KNL1: variants seen among roughly 807,000 people sequenced by gnomAD.
KNL1 encodes outer kinetochore KNL1 complex subunit KNL1.
KNL1 carries 66 observed loss-of-function variants against 201.3 expected under a neutral mutation model. The ratio of observed to expected loss-of-function variants is 0.33; its 90% CI spans 0.27 to 0.40. The LOEUF (loss-of-function observed/expected upper bound fraction) is 0.40, where lower values mean the gene tolerates loss of function less well. Among genes scored for constraint, KNL1 ranks in the 10% least tolerant of loss-of-function variants. KNL1 has a pLI of 1.00. For synonymous variants in KNL1, 895 were observed against 899.2 expected (o/e 1.00, Z 0.08); for missense variants, 2,815 against 2,690.5 (o/e 1.05, Z -1.02).
intron 1 of KNL1, among the ~76,000 whole-genome samples, chr15:40,602,335 A>C (rs1387128675): frequency 7.5e-6 from 1 of 132,728 alleles, no homozygotes; most frequent in East Asian, 2.2e-4. Context: ...ACGGGGTTTC[A>C]CCGTGTTAGC....
At position 40,635,687 on chromosome 15, in the gene KNL1, T is replaced by C. The variant is rs1461105963; in HGVS notation, c.5683-5225T>C. Among the ~76,000 whole-genome samples, 4 of 152,150 alleles carry C rather than the reference T, an allele frequency of 2.6e-5. No homozygotes were observed. In the South Asian group the frequency reaches 6.2e-4, roughly 24 times the overall value. On this transcript the variant is annotated intron_variant, in intron 13 of 25. Coordinates refer to ENST00000399668, the MANE Select transcript of KNL1 (RefSeq NM_144508.5). ...TATTCTTGAGGCAGGGGGAGAGATG[T>C]GTGCCAGCCCTCATAGACATGTACA...
At chr15:40,644,197 CA>C (rs1893319338) in intron 14 of KNL1, among the ~76,000 whole-genome samples, 1 of 152,072 alleles carries the variant, frequency 6.6e-6, no homozygotes, top group Admixed American at 6.6e-5. Flanking sequence ...ATAATAAGGA[CA>C]AAAACATGTA....
At chr15:40,618,351 A>G (rs190369760) in intron 8 of KNL1, among the ~76,000 whole-genome samples, 18 of 152,212 alleles carry the variant, frequency 1.2e-4, no homozygotes, top group Admixed American at 2.6e-4. Flanking sequence ...ATTATATTTT[A>G]TAATGGGATT....
At chr15:40,606,352 T>C in intron 3 of KNL1, 41 bp from the exon 4 acceptor site, 1 of 1,192,266 alleles carries the variant, frequency 8.4e-7, no homozygotes. Flanking sequence ...TCTTAATAGA[T>C]ATGCCAGATT....
chr15:40,636,655 C>G (rs1447253004), intron 13 of KNL1, among the ~76,000 whole-genome samples: 1 of 151,878 alleles, frequency 6.6e-6, no homozygotes, highest in Non-Finnish European at 1.5e-5. Flanking sequence ...ATGGTGAAAC[C>G]CCCCCTCTAC....
chr15:40,657,303 G>A lies in KNL1; in HGVS notation c.6595-52G>A, dbSNP rs368163538. ...GAGTTCTTTGTAAGTGAGCCACTAA[G>A]CATTGAAATGTTTTCATAATTTCAC... On this transcript the variant is annotated intron_variant, in intron 23 of 25. Coordinates refer to ENST00000399668, the MANE Select transcript of KNL1 (RefSeq NM_144508.5). 184 of 1,159,718 alleles carry A rather than the reference G, an allele frequency of 1.6e-4. No homozygotes were observed. In the African/African-American group the frequency reaches 2.7e-3, roughly 17 times the overall value. 71.8% of individuals were successfully genotyped at this position (1,159,718 alleles called of 1,614,324 possible). A position where few individuals can be genotyped will look rare whatever the true frequency, so the allele number is the denominator to read the frequency against.
At position 40,623,534 on chromosome 15, in the gene KNL1, G is replaced by C; in HGVS notation, c.3270G>C (p.Gln1090His). ...ENHKNDMDIT[Q>H]SCMVEIDNES... ...ATAAAAATGATATGGATATTACCCA[G>C]AGTTGTATGGTGGAAATAGATAACG... The change falls in exon 10 of 26, where the codon CAG becomes CAC. Residue 1090 changes from glutamine to histidine, a missense_variant. By Grantham distance (24) the Gln-to-His change is conservative. Coordinates refer to ENST00000399668, the MANE Select transcript of KNL1 (RefSeq NM_144508.5). 1 of 1,613,668 alleles carries C rather than the reference G, an allele frequency of 6.2e-7. No individual in the cohort carries two copies. The highest frequency in any genetic ancestry group is 8.5e-7 in the Non-Finnish European group (1 of 1,179,868).
intron 9 of KNL1, among the ~76,000 whole-genome samples, chr15:40,619,604 C>G (rs1892451193): frequency 6.6e-6 from 1 of 151,912 alleles, no homozygotes; most frequent in Non-Finnish European, 1.5e-5. Flanking sequence ...AGGTCTCACT[C>G]TGTTGCCCAG....
intron 25 of KNL1, among the ~76,000 whole-genome samples, chr15:40,660,052 A>C (rs56770250): frequency 1.3e-5 from 2 of 151,788 alleles, no homozygotes; most frequent in African/African-American, 4.8e-5. Context: ...CTGGGACTTA[A>C]AGGCAAGCGC....
intron 19 of KNL1, among the ~76,000 whole-genome samples, chr15:40,650,867 A>G (rs1893535529): frequency 6.6e-6 from 1 of 152,198 alleles, no homozygotes; most frequent in African/African-American, 2.4e-5. Flanking sequence ...TATAAAATGA[A>G]GTATATATTT....
At chr15:40,604,710 A>T (rs1473203017) in intron 2 of KNL1, among the ~76,000 whole-genome samples, 1 of 152,182 alleles carries the variant, frequency 6.6e-6, no homozygotes, top group African/African-American at 2.4e-5. Flanking sequence ...AGATTATTAT[A>T]ATCTCAACAC....
In KNL1 at chr15:40,623,376, A is replaced by G; in HGVS notation, c.3112A>G (p.Lys1038Glu). 2.5e-6 allele frequency: 4 copies of G among 1,614,012 alleles called. No individual in the cohort carries two copies. The highest frequency in any genetic ancestry group is 3.4e-6 in the Non-Finnish European group (4 of 1,179,896). The change falls in exon 10 of 26, where the codon AAA becomes GAA. Residue 1038 changes from lysine (K) to glutamate (E), a missense_variant. Lys to Glu is a moderately conservative substitution (Grantham distance 56). Around this residue, in one of 3 missense-constraint regions of KNL1, gnomAD observed 2,464 missense variants for 2,291.7 expected, o/e 1.08. Coordinates refer to ENST00000399668, the MANE Select transcript of KNL1 (RefSeq NM_144508.5). ...VEVADNMELSKSATCKNIKDV... is the reference protein window; with the variant it reads ...VEVADNMELSESATCKNIKDV... ...GGTAGCTGATAACATGGAATTGTCT[A>G]AATCAGCCACTTGCAAAAACATCAA...
chr15:40,625,470 A>G lies in KNL1; in HGVS notation c.5206A>G (p.Lys1736Glu). Residue 1736 changes from lysine (K) to glutamate (E), a missense_variant, in exon 10 of 26, where the codon AAG becomes GAG. Physicochemically the swap from Lys to Glu is moderately conservative, Grantham distance 56. This residue lies in a region of KNL1 where 2,464 missense variants were observed against 2,291.7 expected (regional missense o/e 1.08). Coordinates refer to ENST00000399668, the MANE Select transcript of KNL1 (RefSeq NM_144508.5). ...CTCTATTAACATAGAAACTGAGGAA[A>G]AGGCCTTGATTGAGACATACCAAAA... Reference protein sequence around the residue: ...SDSINIETEEKALIETYQKEI... With the variant: ...SDSINIETEEEALIETYQKEI... 1.2e-6 allele frequency: 2 copies of G among 1,614,008 alleles called. No individual in the cohort carries two copies. Among genetic ancestry groups the G allele is most frequent in the South Asian group, 1.1e-5 (1 of 91,064 alleles).
chr15:40,603,109 C>G lies in KNL1; in HGVS notation c.35+143C>G, dbSNP rs532276350. ...TAGTAGTTTTTTTTTTTAAATTATACTTTAAGTTCTAGGGTACATGTGCAC... is the reference window on the plus strand; with the variant it reads ...TAGTAGTTTTTTTTTTTAAATTATAGTTTAAGTTCTAGGGTACATGTGCAC... On this transcript the variant is annotated intron_variant, in intron 2 of 25. Transcript: ENST00000399668. The G allele has an allele frequency of 2.9e-4, 164 of 556,968 alleles. 2 individuals carry two copies. In the South Asian group the frequency reaches 3.4e-3, roughly 11 times the overall value. 34.5% of individuals were successfully genotyped at this position (556,968 alleles called of 1,614,324 possible). A position where few individuals can be genotyped will look rare whatever the true frequency, so the allele number is the denominator to read the frequency against.
intron 2 of KNL1, 118 bp from the exon 3 acceptor site, chr15:40,604,992 A>G: frequency 1.6e-6 from 1 of 620,102 alleles, no homozygotes; most frequent in Non-Finnish European, 3.0e-6. Context: ...TTTGCTTGCC[A>G]GAGTGCTAAG....
Position 40,651,479 on chromosome 15 carries a change from T to C in KNL1, c.6221T>C (p.Leu2074Ser). ...CCTGCTTTTATTTGCAGAAATCTCT[T>C]AGAACTGGAGGTACAAAAAGAGCAG... ...TEEEELQRNL[L>S]ELEVQKEQTL... The change falls in exon 20 of 26, where the codon TTA becomes TCA. Residue 2074 changes from leucine to serine, a missense_variant. Transcript: ENST00000399668. 1.3e-6 allele frequency: 2 copies of C among 1,596,812 alleles called. No individual in the cohort carries two copies.
rs757248543 is a variant in KNL1, at chr15:40,625,080, C to T, written c.4816C>T (p.His1606Tyr). The change falls in exon 10 of 26, where the codon CAT (histidine) becomes TAT (tyrosine). Residue 1606 changes from histidine to tyrosine, a missense_variant. By Grantham distance (83) the His-to-Tyr change is moderately conservative. Coordinates refer to ENST00000399668, the MANE Select transcript of KNL1 (RefSeq NM_144508.5). ...DMHIVQATEI[H>Y]NINIISSNAK... ...GCATATAGTGCAAGCTACAGAAATA[C>T]ATAATATTAACATAATCTCCAGCAA... The T allele has an allele frequency of 3.7e-6, 6 of 1,613,566 alleles. No individual in the cohort carries two copies. In the East Asian group the frequency reaches 8.9e-5, roughly 24 times the overall value.
At chr15:40,606,713 C>A (rs950416753) in intron 4 of KNL1, among the ~76,000 whole-genome samples, 1 of 152,202 alleles carries the variant, frequency 6.6e-6, no homozygotes, top group African/African-American at 2.4e-5. Context: ...ATCTTCCCGC[C>A]TCAGCCTCCT....
Position 40,651,552 on chromosome 15 carries a change from A to G in KNL1, c.6294A>G (p.Glu2098=). The G allele has an allele frequency of 6.2e-7, 1 of 1,608,612 alleles. No homozygotes were observed. The highest frequency in any genetic ancestry group is 8.5e-7 in the Non-Finnish European group (1 of 1,177,552). Residue 2098 remains glutamate (E), a synonymous_variant, in exon 20 of 26, where the codon GAA becomes GAG. Coordinates refer to ENST00000399668, the MANE Select transcript of KNL1 (RefSeq NM_144508.5). ...DFMQKQRNRT[E]ELLDQLSLSE... is the part of the protein sequence containing the mutation. Reference sequence around the variant, plus strand: ...TGCAAAAACAAAGAAATAGAACTGAAGAGCTACTGGATCAGTTGAGGTAAG... The same window carrying G: ...TGCAAAAACAAAGAAATAGAACTGAGGAGCTACTGGATCAGTTGAGGTAAG...
Sources: allele counts gnomAD v4.1 joint callset (sites outside exome capture counted in the v4.1 genomes callset), GRCh38; gene constraint gnomAD v4.1.1; regional missense constraint gnomAD v4.1.1; transcripts MANE v1.5; gene names NCBI Gene and HGNC (gene_info 2026-07-23, HGNC 2026-07-21).